The following SYN3 variants were observed in gnomAD, a reference collection of about 807,000 sequenced individuals.
SYN3 encodes synapsin-3.
In SYN3, 35 loss-of-function variants were observed where a neutral mutation model predicts 65.8. The ratio of observed to expected loss-of-function variants is 0.53; its 90% confidence interval spans 0.41 to 0.70. The LOEUF (loss-of-function observed/expected upper bound fraction) is 0.70. Ranked by LOEUF, SYN3 falls within the 30% of genes least tolerant of loss-of-function variation. The pLI, the probability that SYN3 is intolerant of heterozygous loss-of-function variation, is 0.00. For missense variants in SYN3, 680 were observed against 749.0 expected (o/e 0.91, Z 1.08); for synonymous variants, 270 against 292.9 (o/e 0.92, Z 0.80).
chr22:32,723,392 T>G (rs900800249), intron 6 of SYN3, among the ~76,000 whole-genome samples: 1 of 152,244 alleles, frequency 6.6e-6, no homozygotes, highest in African/African-American at 2.4e-5. Context: ...GCTACTACTG[T>G]GCTCATTACT....
intron 6 of SYN3, among the ~76,000 whole-genome samples, chr22:32,828,841 C>T (rs1218663668): frequency 6.6e-6 from 1 of 152,102 alleles, no homozygotes; most frequent in Non-Finnish European, 1.5e-5. Flanking sequence ...GGAGTAGGGG[C>T]TGAAGAGTAT....
chr22:32,779,214 C>T (rs1469427436), intron 6 of SYN3, among the ~76,000 whole-genome samples: 1 of 152,080 alleles, frequency 6.6e-6, no homozygotes, highest in African/African-American at 2.4e-5. Flanking sequence ...AATCTCAGCA[C>T]TTTGGGAGGC....
At chr22:32,554,409 A>G (rs764580663) in intron 7 of SYN3, among the ~76,000 whole-genome samples, 1 of 152,124 alleles carries the variant, frequency 6.6e-6, no homozygotes, top group Non-Finnish European at 1.5e-5. Context: ...CACCTCTCTG[A>G]AATTACTTGT....
chr22:32,701,301 C>T lies in SYN3; in HGVS notation c.712-104565G>A, dbSNP rs564629306. On this transcript the variant is annotated intron_variant, in intron 6 of 13. Transcript: ENST00000358763. ...CCACTGATGCAATTACTTAACTGCT[C>T]ATCAGAACAAAATCTAGTATTCTTG... Among the ~76,000 whole-genome samples, 3 of 152,164 alleles carry T rather than the reference C, an allele frequency of 2.0e-5. No individual in the cohort carries two copies. In the South Asian group the frequency reaches 6.2e-4, roughly 32 times the overall value.
At chr22:32,888,935 T>A (rs1052095193) in intron 4 of SYN3, among the ~76,000 whole-genome samples, 1 of 152,228 alleles carries the variant, frequency 6.6e-6, no homozygotes, top group African/African-American at 2.4e-5. Context: ...GATGATGAGT[T>A]CTGCCTTAGC....
chr22:32,663,565 T>C (rs895403077), intron 6 of SYN3, among the ~76,000 whole-genome samples: 9 of 152,316 alleles, frequency 5.9e-5, no homozygotes, highest in Admixed American at 2.0e-4. Flanking sequence ...CCCAAAGTGC[T>C]GGGATTACAG....
chr22:32,813,209 C>G (rs2046959936), intron 6 of SYN3, among the ~76,000 whole-genome samples: 1 of 152,088 alleles, frequency 6.6e-6, no homozygotes, highest in Non-Finnish European at 1.5e-5. Flanking sequence ...TTTTGGAGAG[C>G]TAAACAGGTA....
chr22:32,990,528 G>C (rs1240361646), intron 2 of SYN3, among the ~76,000 whole-genome samples: 1 of 151,794 alleles, frequency 6.6e-6, no homozygotes, highest in African/African-American at 2.4e-5. Flanking sequence ...ATCCATCTAG[G>C]ACATACTATA....
intron 6 of SYN3, among the ~76,000 whole-genome samples, chr22:32,765,598 A>G (rs1295188850): frequency 6.6e-6 from 1 of 152,148 alleles, no homozygotes; most frequent in Non-Finnish European, 1.5e-5. Flanking sequence ...CATAGCAAGG[A>G]GGGTTCGCCA....
intron 1 of SYN3, among the ~76,000 whole-genome samples, chr22:33,028,643 A>ATGG (rs133971): frequency 0.14 from 13,360 of 92,946 alleles, 1,483 homozygotes; most frequent in Non-Finnish European, 0.19. Flanking sequence ...AAGAACCATG[A>ATGG]TGGTGGTGGT....
chr22:32,881,232 G>C (rs1338519688), intron 4 of SYN3, among the ~76,000 whole-genome samples: 1 of 152,184 alleles, frequency 6.6e-6, no homozygotes, highest in African/African-American at 2.4e-5. Flanking sequence ...GGAGGAGAGA[G>C]GAGTGGGGGA....
intron 2 of SYN3, among the ~76,000 whole-genome samples, chr22:32,992,491 T>G (rs1274037437): frequency 1.3e-5 from 2 of 151,884 alleles, no homozygotes; most frequent in East Asian, 3.9e-4. Flanking sequence ...GCTTGGGGGG[T>G]TTCTAAACTT....
At chr22:32,532,898 G>A (rs1242141229) in intron 10 of SYN3, among the ~76,000 whole-genome samples, 1 of 152,250 alleles carries the variant, frequency 6.6e-6, no homozygotes, top group Middle Eastern at 3.4e-3. Context: ...TGTGAGTGTG[G>A]AGATGGGAAG....
intron 1 of SYN3, among the ~76,000 whole-genome samples, chr22:33,039,362 T>G (rs544031913): frequency 6.6e-6 from 1 of 150,680 alleles, no homozygotes; most frequent in African/African-American, 2.4e-5. Flanking sequence ...CTTAAGCTCT[T>G]TATTCAAATG....
At chr22:32,616,395 C>T (rs1181035559) in intron 6 of SYN3, among the ~76,000 whole-genome samples, 4 of 152,134 alleles carry the variant, frequency 2.6e-5, no homozygotes, top group Admixed American at 2.6e-4. Context: ...TGAGGGGCCC[C>T]TTTGAGGGAG....
intron 3 of SYN3, among the ~76,000 whole-genome samples, chr22:32,950,557 T>A (rs528022577): frequency 2.0e-5 from 3 of 152,270 alleles, no homozygotes. Context: ...AAACTCTAAT[T>A]CCCGGGAGCT....
At chr22:32,518,714 G>C (rs2057822999) in intron 12 of SYN3, among the ~76,000 whole-genome samples, 1 of 152,176 alleles carries the variant, frequency 6.6e-6, no homozygotes, top group South Asian at 2.1e-4. Flanking sequence ...TAAAACCAGT[G>C]TGCCTCAGAC....
intron 4 of SYN3, among the ~76,000 whole-genome samples, chr22:32,911,260 C>T (rs186388744): frequency 3.9e-5 from 6 of 152,322 alleles, no homozygotes; most frequent in East Asian, 1.9e-4. Flanking sequence ...CTGCAAGCCA[C>T]GTTCTCCAGC....
chr22:32,859,739 G>C (rs1034684890), intron 6 of SYN3: 2 of 278,000 alleles, frequency 7.2e-6, no homozygotes, highest in African/African-American at 4.5e-5. Context: ...CACCCCTCTT[G>C]CTTCTTCCCC....
Sources: allele counts gnomAD v4.1 joint callset (sites outside exome capture counted in the v4.1 genomes callset), GRCh38; gene constraint gnomAD v4.1.1; transcripts MANE v1.5; gene names NCBI Gene and HGNC (gene_info 2026-07-23, HGNC 2026-07-21).